Variants in CHAT observed in about 807,000 individuals in gnomAD.
CHAT encodes the protein choline O-acetyltransferase.
In CHAT, 61 loss-of-function variants were observed where a neutral mutation model predicts 76.9. That is an observed-to-expected ratio of 0.79 (90% CI 0.65 to 0.98). CHAT has a LOEUF of 0.98. CHAT is among the 50% of genes least tolerant of loss of function. CHAT has a pLI of 0.00. For missense variants in CHAT, 946 were observed against 986.9 expected, an observed-to-expected ratio of 0.96 and a Z score of 0.56; for synonymous variants, 407 against 397.4, an observed-to-expected ratio of 1.02 and a Z score of -0.29.
chr10:49,652,098 C>A, intron 11 of CHAT, 92 bp downstream of exon 11: 2 of 1,558,074 alleles, frequency 1.3e-6, no homozygotes, highest in African/African-American at 2.7e-5. Context: ...GAGGGAGGGA[C>A]AGCCTTCTGT....
At chr10:49,615,361 G>A (rs1052894905) in intron 1 of CHAT, among the ~76,000 whole-genome samples, 1 of 152,232 alleles carries the variant, frequency 6.6e-6, no homozygotes, top group Non-Finnish European at 1.5e-5. Flanking sequence ...GTGGGAACAA[G>A]CCTGTGGAGA....
intron 11 of CHAT, among the ~76,000 whole-genome samples, chr10:49,652,927 C>T (rs1799391982): frequency 6.6e-6 from 1 of 152,188 alleles, no homozygotes. Flanking sequence ...TCCCCACCCC[C>T]TTATCTAAAG....
chr10:49,641,341 C>T (rs1375482397), intron 7 of CHAT, among the ~76,000 whole-genome samples: 2 of 152,148 alleles, frequency 1.3e-5, no homozygotes, highest in Non-Finnish European at 2.9e-5. Flanking sequence ...GGCTGGTCTG[C>T]CTTCCTCTCG....
intron 13 of CHAT, among the ~76,000 whole-genome samples, chr10:49,660,980 GT>G (rs1241562179): frequency 6.6e-6 from 1 of 152,162 alleles, no homozygotes; most frequent in African/African-American, 2.4e-5. Flanking sequence ...CCACTTCTAT[GT>G]TTTCCCTTCC....
upstream of CHAT, chr10:49,613,915 G>C (rs895029578): frequency 3.5e-5 from 20 of 578,104 alleles, no homozygotes; most frequent in Non-Finnish European, 5.9e-5. Context: ...GTTTGAGACT[G>C]GCCTGGATGG....
chr10:49,616,494 G>A lies in CHAT; in HGVS notation c.287-8G>A. Reference sequence around the variant, plus strand: ...CTGTGTTGATGCTTCCCACTTCTTGGTCCCCAGGTCCACACCTCTGCATCC... The same window carrying A: ...CTGTGTTGATGCTTCCCACTTCTTGATCCCCAGGTCCACACCTCTGCATCC... On this transcript the variant is annotated splice_region_variant and splice_polypyrimidine_tract_variant and intron_variant, in intron 1 of 14. Coordinates refer to ENST00000337653, the MANE Select transcript of CHAT (RefSeq NM_020549.5). 1 of 1,606,750 alleles carries A rather than the reference G, an allele frequency of 6.2e-7. No homozygotes were observed. The highest frequency in any genetic ancestry group is 2.2e-5 in the East Asian group (1 of 44,480).
At chr10:49,612,974 C>A (rs1838341179), upstream of CHAT, 1 of 152,366 alleles carries the variant, frequency 6.6e-6, no homozygotes, top group Admixed American at 6.5e-5. Flanking sequence ...TAGCGCAGAG[C>A]CCGGGGATGC....
At chr10:49,611,382 G>A (rs759417045), upstream of CHAT, 8 of 1,599,330 alleles carry the variant, frequency 5.0e-6, no homozygotes, top group Admixed American at 1.0e-4. Context: ...GTCGTGCACT[G>A]GGCGTGGCGC....
At chr10:49,622,413 A>G (rs1283343822) in intron 5 of CHAT, among the ~76,000 whole-genome samples, 2 of 152,186 alleles carry the variant, frequency 1.3e-5, no homozygotes, top group Non-Finnish European at 2.9e-5. Flanking sequence ...ACATACGTGC[A>G]CAGGTGGAGT....
intron 10 of CHAT, among the ~76,000 whole-genome samples, chr10:49,651,537 C>A (rs979597945): frequency 6.6e-6 from 1 of 152,204 alleles, no homozygotes; most frequent in African/African-American, 2.4e-5. Context: ...TCCTGTTACT[C>A]CGACAGTGAA....
Position 49,665,573 on chromosome 10 carries a change from A to G in CHAT, c.*527A>G, listed in dbSNP as rs1383299641. Among the ~76,000 whole-genome samples the G allele has an allele frequency of 6.6e-6, 1 of 152,070 alleles. No individual in the cohort carries two copies. The highest frequency in any genetic ancestry group is 1.5e-5 in the Non-Finnish European group (1 of 68,008). On this transcript the variant is annotated 3_prime_UTR_variant, in exon 15 of 15. Transcript: ENST00000337653. ...CGTGGCATTCCCAGTGTCTCCACTGAGCCGTACAGTCCTACAAGCACCCAC... is the reference window on the plus strand; with the variant it reads ...CGTGGCATTCCCAGTGTCTCCACTGGGCCGTACAGTCCTACAAGCACCCAC...
At position 49,646,576 on chromosome 10, in the gene CHAT, G is replaced by A. The variant is rs1249218940; in HGVS notation, c.1183G>A (p.Gly395Ser). 1.9e-6 allele frequency: 3 copies of A among 1,614,224 alleles called. No homozygotes were observed. The highest frequency in any genetic ancestry group is 2.5e-6 in the Non-Finnish European group (3 of 1,180,028). ...ICLVCLDAPG[G>S]VELSDTHRAL... ...CCTTGTATGCCTGGACGCGCCAGGAGGCGTGGAGCTCAGCGACACCCACAG... is the reference window on the plus strand; with the variant it reads ...CCTTGTATGCCTGGACGCGCCAGGAAGCGTGGAGCTCAGCGACACCCACAG... The change falls in exon 8 of 15, where the codon GGC (glycine) becomes AGC (serine). Residue 395 changes from glycine to serine, a missense_variant. Around this residue, in one of 3 missense-constraint regions of CHAT, gnomAD observed 49 missense variants for 76.7 expected, o/e 0.64. Coordinates refer to ENST00000337653, the MANE Select transcript of CHAT (RefSeq NM_020549.5).
In CHAT at chr10:49,665,190, G is replaced by C. The variant is rs1186110462; in HGVS notation, c.*144G>C. The C allele has an allele frequency of 1.1e-6, 1 of 894,208 alleles. No individual in the cohort carries two copies. Among genetic ancestry groups the C allele is most frequent in the Non-Finnish European group, 1.8e-6 (1 of 552,852 alleles). The allele number at this position is 894,208 out of a possible 1,614,324, so 55.4% of individuals were successfully genotyped here. On this transcript the variant is annotated 3_prime_UTR_variant, in exon 15 of 15. Coordinates refer to ENST00000337653, the MANE Select transcript of CHAT (RefSeq NM_020549.5). The stretch of plus-strand genomic sequence containing the variant: ...ACAGACCATACAGAGACATCACACA[G>C]AGCCGGAGTGTTAGGAGGAAAGGGT...
intron 7 of CHAT, among the ~76,000 whole-genome samples, chr10:49,646,178 G>A (rs895206802): frequency 3.9e-5 from 6 of 152,242 alleles, no homozygotes; most frequent in Non-Finnish European, 1.5e-5. Flanking sequence ...GGGCTGACAT[G>A]AGGGTCTAAG....
intron 14 of CHAT, among the ~76,000 whole-genome samples, chr10:49,663,866 G>A (rs1370992796): frequency 6.6e-6 from 1 of 152,214 alleles, no homozygotes; most frequent in Non-Finnish European, 1.5e-5. Context: ...AAAGTGCTTT[G>A]GAATGGCTTT....
At chr10:49,613,311 T>A (rs1196145028), upstream of CHAT, 3 of 152,328 alleles carry the variant, frequency 2.0e-5, no homozygotes, top group Non-Finnish European at 4.4e-5. Flanking sequence ...GTCTGAGTCT[T>A]GAAGGGAGAG....
At chr10:49,609,882 C>T (rs1838242698), upstream of CHAT, among the ~76,000 whole-genome samples, 1 of 152,142 alleles carries the variant, frequency 6.6e-6, no homozygotes, top group South Asian at 2.1e-4. Flanking sequence ...GCTCGCTGTG[C>T]GCCGAGGTCC....
intron 7 of CHAT, among the ~76,000 whole-genome samples, chr10:49,630,648 A>C: frequency 6.6e-6 from 1 of 152,206 alleles, no homozygotes; most frequent in South Asian, 2.1e-4. Context: ...AGGTGTTTTT[A>C]GGAGGAGAGA....
At chr10:49,624,805 C>T (rs143807668) in intron 5 of CHAT, among the ~76,000 whole-genome samples, 1 of 147,520 alleles carries the variant, frequency 6.8e-6, no homozygotes, top group Non-Finnish European at 1.5e-5. Context: ...ATGGATGGGT[C>T]GATGGAAGGA....
Sources: gnomAD v4.1 joint callset for allele counts (sites outside exome capture counted in the v4.1 genomes callset) on GRCh38, gnomAD v4.1.1 for gene constraint, gnomAD v4.1.1 regional missense constraint, MANE v1.5 for transcripts, NCBI Gene and HGNC (gene_info 2026-07-23, HGNC 2026-07-21) for gene names.